Variants in THSD4 observed in about 807,000 individuals in gnomAD.
THSD4 encodes the protein thrombospondin type-1 domain-containing protein 4.
Under a neutral mutation model 119.0 loss-of-function variants are expected in THSD4, and 69 were observed. That is an observed-to-expected ratio of 0.58 (90% CI 0.48 to 0.71). The LOEUF is 0.71. THSD4 is among the 30% of genes least tolerant of loss of function. The pLI, the probability that THSD4 is intolerant of heterozygous loss-of-function variation, is 0.00. For synonymous variants in THSD4, 524 were observed against 540.4 expected (o/e 0.97, Z 0.42); for missense variants, 1,393 against 1,391.1 (o/e 1.00, Z -0.02).
intron 5 of THSD4, among the ~76,000 whole-genome samples, chr15:71,251,323 T>C (rs2140282909): frequency 6.6e-6 from 1 of 152,286 alleles, no homozygotes; most frequent in Non-Finnish European, 1.5e-5. Context: ...AGTGGACATT[T>C]GGTGTCTCCA....
chr15:71,341,042 C>T, intron 6 of THSD4: 1 of 736,678 alleles, frequency 1.4e-6, no homozygotes, highest in Non-Finnish European at 2.2e-6. Context: ...CATTTCCTCT[C>T]TCTCCCATTT....
chr15:71,458,911 CTG>C (rs144281806), intron 7 of THSD4, among the ~76,000 whole-genome samples: 94 of 152,274 alleles, frequency 6.2e-4, no homozygotes, highest in African/African-American at 2.2e-3. Flanking sequence ...AACCTTGACT[CTG>C]TGATTCATTT....
intron 7 of THSD4, among the ~76,000 whole-genome samples, chr15:71,488,209 G>C (rs761086273): frequency 6.6e-6 from 1 of 152,118 alleles, no homozygotes. Context: ...AATAGATGTT[G>C]AATTATGCTT....
intron 6 of THSD4, among the ~76,000 whole-genome samples, chr15:71,394,836 G>A (rs1415710823): frequency 6.6e-6 from 1 of 152,130 alleles, no homozygotes; most frequent in East Asian, 1.9e-4. Flanking sequence ...GCATTTTTGT[G>A]TATTTAATAA....
At chr15:71,350,472 C>A (rs552313284) in intron 6 of THSD4, among the ~76,000 whole-genome samples, 1 of 151,964 alleles carries the variant, frequency 6.6e-6, no homozygotes, top group Non-Finnish European at 1.5e-5. Context: ...TGCCAGTGAC[C>A]GCTTAAGTGA....
chr15:71,199,805 T>TGTGTGTGCTGG (rs2043774200), intron 3 of THSD4, among the ~76,000 whole-genome samples: 3 of 42,422 alleles, frequency 7.1e-5, no homozygotes, highest in Non-Finnish European at 3.0e-4. Context: ...GTGTGTGCTG[T>TGTGTGTGCTGG]GTGTGTGTGA....
intron 3 of THSD4, among the ~76,000 whole-genome samples, chr15:71,171,563 T>C (rs935803427): frequency 2.6e-5 from 4 of 152,212 alleles, no homozygotes; most frequent in Non-Finnish European, 5.9e-5. Flanking sequence ...AATATGGATC[T>C]TCTCAAAGGA....
rs200892599 is a variant in THSD4, at chr15:71,560,970, C to CATTTTT, written c.1153-99560_1153-99559insATTTTT. On this transcript the variant is annotated intron_variant, in intron 7 of 17. Transcript: ENST00000261862. ...GTTCACTAAGCATCATTCTCTTTATCTTTTTTTTTTTTTTTTTTTTTTGAG... is the reference window on the plus strand; with the variant it reads ...GTTCACTAAGCATCATTCTCTTTATCATTTTTTTTTTTTTTTTTTTTTTTTTTTGAG... 3.2e-5 allele frequency among the ~76,000 whole-genome samples: 4 copies of CATTTTT among 123,990 alleles called. 2 individuals are homozygous for CATTTTT. Among genetic ancestry groups the CATTTTT allele is most frequent in the Non-Finnish European group, 3.4e-5 (2 of 59,278 alleles). 81.3% of individuals were successfully genotyped at this position (123,990 alleles called of 152,430 possible).
At chr15:71,442,660 G>GTATGTATATATATATATATATATATA (rs1555414328) in intron 7 of THSD4, among the ~76,000 whole-genome samples, 1 of 25,818 alleles carries the variant, frequency 3.9e-5, no homozygotes, top group African/African-American at 1.1e-4. Flanking sequence ...GTGTGTGTGT[G>GTATGTATATATATATATATATATATA]TATATATATA....
At chr15:71,100,122 G>T (rs773554800) in intron 1 of THSD4, among the ~76,000 whole-genome samples, 6 of 152,140 alleles carry the variant, frequency 3.9e-5, no homozygotes, top group African/African-American at 1.4e-4. Flanking sequence ...ACTCCAAAAT[G>T]GCCTCTATTG....
intron 7 of THSD4, among the ~76,000 whole-genome samples, chr15:71,644,279 A>T (rs764190870): frequency 6.6e-6 from 1 of 152,230 alleles, no homozygotes; most frequent in Non-Finnish European, 1.5e-5. Flanking sequence ...CTGATTTTCT[A>T]TGATAAGCCT....
chr15:71,710,629 A>T (rs1221449910), intron 8 of THSD4, among the ~76,000 whole-genome samples: 1 of 152,200 alleles, frequency 6.6e-6, no homozygotes, highest in African/African-American at 2.4e-5. Flanking sequence ...AAGGGGAAAA[A>T]TACTTTATTA....
intron 1 of THSD4, among the ~76,000 whole-genome samples, chr15:71,133,568 CAGA>C (rs1248384197): frequency 6.6e-6 from 1 of 152,138 alleles, no homozygotes; most frequent in Non-Finnish European, 1.5e-5. Flanking sequence ...GAGACTTGCA[CAGA>C]AGCAGAAATT....
At chr15:71,430,746 G>GA (rs2046931915) in intron 7 of THSD4, among the ~76,000 whole-genome samples, 1 of 108,448 alleles carries the variant, frequency 9.2e-6, no homozygotes, top group Non-Finnish European at 1.7e-5. Context: ...GGCAGAGCAA[G>GA]ACTCTGTCTC....
At chr15:71,114,534 C>G (rs1014013906), upstream of THSD4, among the ~76,000 whole-genome samples, 22 of 152,150 alleles carry the variant, frequency 1.4e-4, no homozygotes, top group African/African-American at 4.3e-4. Context: ...ACTCTATTTC[C>G]TGCCTTCCCA....
intron 6 of THSD4, among the ~76,000 whole-genome samples, chr15:71,356,356 C>A (rs1285132558): frequency 6.6e-6 from 1 of 152,178 alleles, no homozygotes. Flanking sequence ...TGCTCTCACA[C>A]TTATGACACA....
chr15:71,660,890 A>G (rs561706934), intron 8 of THSD4, among the ~76,000 whole-genome samples, 156 bp downstream of exon 8: 64 of 152,312 alleles, frequency 4.2e-4, no homozygotes, highest in African/African-American at 1.4e-3. Context: ...TGCGCCTTGA[A>G]ATGAGAAGCT....
At chr15:71,484,584 A>G (rs750643381) in intron 7 of THSD4, among the ~76,000 whole-genome samples, 5 of 152,174 alleles carry the variant, frequency 3.3e-5, no homozygotes, top group Admixed American at 2.0e-4. Context: ...CATACCTGTG[A>G]TCTCATACAG....
At chr15:71,316,649 A>G (rs1055797992) in intron 6 of THSD4, among the ~76,000 whole-genome samples, 5 of 152,144 alleles carry the variant, frequency 3.3e-5, no homozygotes, top group African/African-American at 1.2e-4. Context: ...GAAGGCCTAG[A>G]TACAACTGAA....
Sources: gnomAD v4.1 joint callset for allele counts (sites outside exome capture counted in the v4.1 genomes callset) on GRCh38, gnomAD v4.1.1 for gene constraint, MANE v1.5 for transcripts, NCBI Gene and HGNC (gene_info 2026-07-23, HGNC 2026-07-21) for gene names.